The following ZFAND3 variants were observed in gnomAD, a reference collection of about 807,000 sequenced individuals.
The protein encoded by ZFAND3 is AN1-type zinc finger protein 3.
ZFAND3 carries 10 observed loss-of-function variants against 29.6 expected under a neutral mutation model. The ratio of observed to expected loss-of-function variants is 0.34; its 90% CI spans 0.21 to 0.57. The LOEUF is 0.57. Among genes scored for constraint, ZFAND3 ranks in the 20% least tolerant of loss-of-function variants. The pLI is 0.86. For missense variants in ZFAND3, 230 were observed against 304.5 expected, an observed-to-expected ratio of 0.76 and a Z score of 1.82; for synonymous variants, 128 against 112.6, an observed-to-expected ratio of 1.14 and a Z score of -0.87.
chr6:38,075,388 A>G (rs990532698), intron 3 of ZFAND3, among the ~76,000 whole-genome samples: 28 of 152,164 alleles, frequency 1.8e-4, no homozygotes, highest in African/African-American at 6.8e-4. Context: ...AGACTTGGGC[A>G]GGGGAAATAA....
chr6:37,912,030 C>CTCTGTG (rs370151008), intron 1 of ZFAND3, among the ~76,000 whole-genome samples: 2 of 139,706 alleles, frequency 1.4e-5, no homozygotes, highest in Admixed American at 1.4e-4. Flanking sequence ...AGTCTTTTAT[C>CTCTGTG]TGTGTGTGTG....
intron 5 of ZFAND3, among the ~76,000 whole-genome samples, chr6:38,135,405 G>A (rs1220233917): frequency 6.6e-6 from 1 of 152,202 alleles, no homozygotes; most frequent in Non-Finnish European, 1.5e-5. Context: ...GTTTTGTGCA[G>A]GCATCCCCAT....
At position 38,084,804 on chromosome 6, in the gene ZFAND3, C is replaced by T. The variant is rs535140941; in HGVS notation, c.361+2347C>T. On this transcript the variant is annotated intron_variant, in intron 4 of 5. Coordinates refer to ENST00000287218, the MANE Select transcript of ZFAND3 (RefSeq NM_021943.3). ...CTTGGAAGGAAATTAATGCAATGTC[C>T]AGGTCATCTCCTAAAAAGCCTGAAG... is the stretch of plus-strand genomic sequence containing the variant. Among the ~76,000 whole-genome samples the T allele has an allele frequency of 3.9e-5, 6 of 152,242 alleles. No individual in the cohort carries two copies. In the South Asian group the frequency reaches 1.0e-3, roughly 26 times the overall value.
At position 37,819,830 on chromosome 6, in the gene ZFAND3, T is replaced by TGCC; in HGVS notation, c.-116_-115insGCC. Reference sequence around the variant, plus strand: ...CGCGCCCGCCCGCGCGCCCGCTCCTTCCCCCTCCCCCCGCCCCGAGCCCCC... The same window carrying TGCC: ...CGCGCCCGCCCGCGCGCCCGCTCCTTGCCCCCCCTCCCCCCGCCCCGAGCCCCC... On this transcript the variant is annotated 5_prime_UTR_variant, in exon 1 of 6. Transcript: ENST00000287218. 1.9e-6 allele frequency: 1 copy of TGCC among 519,918 alleles called. No individual in the cohort carries two copies. The highest frequency in any genetic ancestry group is 2.6e-6 in the Non-Finnish European group (1 of 385,756). The allele number at this position is 519,918 out of a possible 1,614,324, so 32.2% of individuals were successfully genotyped here.
At chr6:38,102,541 T>C (rs1351129526) in intron 4 of ZFAND3, among the ~76,000 whole-genome samples, 1 of 152,112 alleles carries the variant, frequency 6.6e-6, no homozygotes. Flanking sequence ...GACCAAGGTG[T>C]TGGGGTACAG....
rs201897366 is a variant in ZFAND3 at position 37,909,106 on chromosome 6, G to GT, written c.72-20852dup. 5.0e-3 allele frequency among the ~76,000 whole-genome samples: 762 copies of GT among 152,166 alleles called. 9 individuals are homozygous for GT. Among genetic ancestry groups the GT allele is most frequent in the African/African-American group, 0.015 (630 of 41,512 alleles). The stretch of plus-strand genomic sequence containing the variant: ...ATTTACTTATGAATTTGTTATGGTA[G>GT]TAAGTGTGGAGATGGATTTTGTTTT... On this transcript the variant is annotated intron_variant, in intron 1 of 5. Transcript: ENST00000287218.
intron 2 of ZFAND3, among the ~76,000 whole-genome samples, chr6:38,044,706 G>A (rs1037497861): frequency 6.6e-6 from 1 of 152,188 alleles, no homozygotes; most frequent in African/African-American, 2.4e-5. Flanking sequence ...GCACTACAGT[G>A]TTTTTCACAT....
rs1469155178 is a variant in ZFAND3, at chr6:37,819,922, C to G, written c.-24C>G. The G allele has an allele frequency of 2.1e-5, 25 of 1,207,278 alleles. No individual in the cohort carries two copies. The highest frequency in any genetic ancestry group is 2.6e-5 in the Non-Finnish European group (25 of 973,732). 74.8% of individuals were successfully genotyped at this position (1,207,278 alleles called of 1,614,324 possible). ...CAGCCGCCGCCACCGCTGCCGCCGC[C>G]GAGCTCCGCCGCCGCCGAGCACCAT... On this transcript the variant is annotated 5_prime_UTR_variant, in exon 1 of 6. Transcript: ENST00000287218.
chr6:38,064,666 CTTTTTTTTTTT>C (rs35827782), intron 3 of ZFAND3, among the ~76,000 whole-genome samples: 40 of 115,938 alleles, frequency 3.5e-4, no homozygotes, highest in African/African-American at 1.2e-3. Flanking sequence ...CTGCTATGGG[CTTTTTTTTTTT>C]TTTTTTTTTA....
intron 2 of ZFAND3, among the ~76,000 whole-genome samples, chr6:38,018,913 A>C (rs1458199766): frequency 6.6e-6 from 1 of 152,128 alleles, no homozygotes; most frequent in East Asian, 1.9e-4. Context: ...GCAGTGTTTG[A>C]GAGTCCATTC....
chr6:38,001,626 T>C (rs1762949909), intron 2 of ZFAND3, among the ~76,000 whole-genome samples: 1 of 152,236 alleles, frequency 6.6e-6, no homozygotes, highest in South Asian at 2.1e-4. Flanking sequence ...GTTAGCACTT[T>C]TTTTTTCAGC....
At chr6:38,128,704 T>C (rs1432524292) in intron 5 of ZFAND3, among the ~76,000 whole-genome samples, 1 of 152,228 alleles carries the variant, frequency 6.6e-6, no homozygotes, top group Admixed American at 6.5e-5. Flanking sequence ...CATGTATATA[T>C]GTATATATAT....
intron 1 of ZFAND3, among the ~76,000 whole-genome samples, chr6:37,860,272 A>G (rs1043397445): frequency 3.3e-5 from 5 of 151,080 alleles, no homozygotes; most frequent in Non-Finnish European, 7.4e-5. Flanking sequence ...AGTAAAGAGG[A>G]ATAATATTAT....
intron 2 of ZFAND3, among the ~76,000 whole-genome samples, chr6:37,931,544 AAAAAAAAAAAAC>A (rs1761595224): frequency 9.5e-6 from 1 of 105,218 alleles, no homozygotes; most frequent in South Asian, 3.1e-4. Flanking sequence ...CTCCGTCTCA[AAAAAAAAAAAAC>A]AAAAAAAAAA....
At chr6:38,037,978 G>A (rs1724228315) in intron 2 of ZFAND3, among the ~76,000 whole-genome samples, 1 of 152,160 alleles carries the variant, frequency 6.6e-6, no homozygotes, top group South Asian at 2.1e-4. Context: ...ATATATGAGG[G>A]GGTTATGTGG....
intron 2 of ZFAND3, among the ~76,000 whole-genome samples, chr6:37,951,644 A>G (rs1230728070): frequency 6.6e-6 from 1 of 152,190 alleles, no homozygotes; most frequent in Admixed American, 6.5e-5. Context: ...GCAGAAAGCG[A>G]TAGTTTGACT....
intron 1 of ZFAND3, among the ~76,000 whole-genome samples, chr6:37,902,623 C>A (rs1190617469): frequency 2.0e-5 from 3 of 151,998 alleles, no homozygotes; most frequent in East Asian, 3.8e-4. Context: ...ACATCTGTTT[C>A]CAATAGCTGT....
At chr6:37,907,405 C>T (rs1373655619) in intron 1 of ZFAND3, among the ~76,000 whole-genome samples, 4 of 152,118 alleles carry the variant, frequency 2.6e-5, no homozygotes, top group African/African-American at 4.8e-5. Flanking sequence ...TTTCTGTTCG[C>T]GCCCCTTGGT....
rs1561977198 is a variant in ZFAND3 at position 38,041,820 on chromosome 6, CTCCTCCTTT to C, written c.113-19771_113-19763del. Reference sequence around the variant, plus strand: ...TCTTCTCCTCTTCTTTCTTCTTCTTCTCCTCCTTTTTTTTTTTTTTTTATATGAGACAGA... The same window carrying C: ...TCTTCTCCTCTTCTTTCTTCTTCTTCTTTTTTTTTTTTTATATGAGACAGA... On this transcript the variant is annotated intron_variant, in intron 2 of 5. Transcript: ENST00000287218. 3.2e-4 allele frequency among the ~76,000 whole-genome samples: 5 copies of C among 15,518 alleles called. 2 individuals are homozygous for C. The highest frequency in any genetic ancestry group is 7.9e-4 in the African/African-American group (5 of 6,348). The allele number at this position is 15,518 out of a possible 152,430, so 10.2% of individuals were successfully genotyped here. A position where few individuals can be genotyped will look rare whatever the true frequency, so the allele number is the denominator to read the frequency against.
Sources: allele counts gnomAD v4.1 joint callset (sites outside exome capture counted in the v4.1 genomes callset), GRCh38; gene constraint gnomAD v4.1.1; transcripts MANE v1.5; gene names NCBI Gene and HGNC (gene_info 2026-07-23, HGNC 2026-07-21).